PGCKA1: variants seen among roughly 807,000 people sequenced by gnomAD.
PGCKA1 encodes PDCD10 and GCKIII kinases-associated protein 1.
chr4:37,484,649 A>G, the PGCKA1 span, among the ~76,000 whole-genome samples: 1 of 152,218 alleles, frequency 6.6e-6, no homozygotes, highest in Non-Finnish European at 1.5e-5. Flanking sequence ...ACTGTGAGCT[A>G]ATTACATCTC....
At chr4:37,517,114 GGT>G in the PGCKA1 span, among the ~76,000 whole-genome samples, 1 of 151,984 alleles carries the variant, frequency 6.6e-6, no homozygotes, top group Middle Eastern at 3.4e-3. Context: ...AGCCAGGCAT[GGT>G]GGCAGGCACC....
At chr4:37,573,430 C>T in the PGCKA1 span, among the ~76,000 whole-genome samples, 1 of 152,298 alleles carries the variant, frequency 6.6e-6, no homozygotes, top group South Asian at 2.1e-4. Context: ...TCTGTCCCAT[C>T]CCCTGACTCT....
the PGCKA1 span, among the ~76,000 whole-genome samples, chr4:37,457,968 G>C: frequency 3.9e-5 from 6 of 152,214 alleles, no homozygotes; most frequent in Non-Finnish European, 7.3e-5. Flanking sequence ...AAGGTGGTCT[G>C]TGATTAAACC....
At chr4:37,475,308 A>C in the PGCKA1 span, among the ~76,000 whole-genome samples, 1 of 152,180 alleles carries the variant, frequency 6.6e-6, no homozygotes, top group South Asian at 2.1e-4. Context: ...CCTGTGGAGC[A>C]CTTCAACCCC....
chr4:37,590,344 G>C, the PGCKA1 span: 1 of 1,613,696 alleles, frequency 6.2e-7, no homozygotes, highest in Non-Finnish European at 8.5e-7. Context: ...CCATGCCTGC[G>C]GTGTCAACGG....
the PGCKA1 span, chr4:37,590,627 A>T: frequency 2.9e-4 from 466 of 1,614,164 alleles, no homozygotes; most frequent in African/African-American, 5.1e-3. Context: ...TACCTTCAGC[A>T]TTGGGGCCCA....
At chr4:37,483,838 A>G in the PGCKA1 span, among the ~76,000 whole-genome samples, 4 of 152,206 alleles carry the variant, frequency 2.6e-5, no homozygotes, top group Admixed American at 6.5e-5. Context: ...GGTCTCATCT[A>G]TGTGGGCTGG....
chr4:37,478,956 C>G, the PGCKA1 span, among the ~76,000 whole-genome samples: 2 of 152,222 alleles, frequency 1.3e-5, no homozygotes, highest in Non-Finnish European at 2.9e-5. Flanking sequence ...TGCCAATAGG[C>G]ATAGGTAGCC....
At chr4:37,572,063 C>CTT in the PGCKA1 span, among the ~76,000 whole-genome samples, 195 of 89,988 alleles carry the variant, frequency 2.2e-3, 2 homozygotes, top group Middle Eastern at 6.7e-3. Flanking sequence ...TTTTTTTTTT[C>CTT]TTTTTTTTTT....
At chr4:37,510,002 G>A in the PGCKA1 span, among the ~76,000 whole-genome samples, 1 of 151,280 alleles carries the variant, frequency 6.6e-6, no homozygotes, top group Non-Finnish European at 1.5e-5. Flanking sequence ...AGGGGGAGGG[G>A]GAGAGGGAGA....
chr4:37,563,644 T>C, the PGCKA1 span, among the ~76,000 whole-genome samples: 1 of 152,332 alleles, frequency 6.6e-6, no homozygotes, highest in Non-Finnish European at 1.5e-5. Flanking sequence ...TGTAAGACTC[T>C]GGGAATTACC....
At chr4:37,506,777 T>G in the PGCKA1 span, among the ~76,000 whole-genome samples, 1 of 152,290 alleles carries the variant, frequency 6.6e-6, no homozygotes, top group East Asian at 1.9e-4. Context: ...ACATGTTCTG[T>G]AAATATCTAT....
the PGCKA1 span, among the ~76,000 whole-genome samples, chr4:37,549,306 T>G: frequency 6.6e-6 from 1 of 152,150 alleles, no homozygotes; most frequent in African/African-American, 2.4e-5. Flanking sequence ...TTAGTCCAAT[T>G]GCCTATCCCT....
chr4:37,498,057 T>G, the PGCKA1 span, among the ~76,000 whole-genome samples: 2 of 152,150 alleles, frequency 1.3e-5, no homozygotes, highest in Non-Finnish European at 2.9e-5. Context: ...GTTTAAGTCC[T>G]TCATCATCCA....
the PGCKA1 span, among the ~76,000 whole-genome samples, chr4:37,492,992 C>A: frequency 6.6e-6 from 1 of 152,048 alleles, no homozygotes; most frequent in African/African-American, 2.4e-5. This position sits in a 1 kb window ranked among gnomAD's most constrained non-coding sequence, Gnocchi z 4.7. Flanking sequence ...CTGTTACTGT[C>A]ATCTCTCCTA....
chr4:37,548,426 T>C, the PGCKA1 span, among the ~76,000 whole-genome samples: 12 of 152,256 alleles, frequency 7.9e-5, no homozygotes, highest in African/African-American at 2.9e-4. Context: ...TATAAACATA[T>C]TAGCTAAAGT....
chr4:37,493,983 AACTTAGG>A, the PGCKA1 span, among the ~76,000 whole-genome samples: 1 of 152,252 alleles, frequency 6.6e-6, no homozygotes, highest in East Asian at 1.9e-4. Context: ...TGTTGATGGA[AACTTAGG>A]TCGCTTCCAA....
the PGCKA1 span, among the ~76,000 whole-genome samples, chr4:37,458,252 T>C: frequency 6.6e-6 from 1 of 152,200 alleles, no homozygotes; most frequent in South Asian, 2.1e-4. Flanking sequence ...TTCCTACTTC[T>C]GACTAAAAAG....
At chr4:37,562,012 T>C in the PGCKA1 span, among the ~76,000 whole-genome samples, 69,300 of 152,058 alleles carry the variant, frequency 0.46, 16,607 homozygotes, top group South Asian at 0.54. Flanking sequence ...TGCCTGGGGC[T>C]ATTTTTAACA....
Sources: allele counts gnomAD v4.1 joint callset (sites outside exome capture counted in the v4.1 genomes callset), GRCh38; gene constraint gnomAD v4.1.1; non-coding constraint Gnocchi (gnomAD v3.1); transcripts MANE v1.5; gene names NCBI Gene and HGNC (gene_info 2026-07-23, HGNC 2026-07-21).